The following SKIL variants were observed in gnomAD, a reference collection of about 807,000 sequenced individuals.
SKIL encodes the protein SKI like proto-oncogene, also known as ski-like protein.
In SKIL, 20 loss-of-function variants were observed where a neutral mutation model predicts 69.6. That is an observed-to-expected ratio of 0.29 (90% confidence interval 0.20 to 0.42). The LOEUF (loss-of-function observed/expected upper bound fraction) is 0.42. SKIL is among the 10% of genes least tolerant of loss of function. The pLI is 1.00. For missense variants in SKIL, 745 were observed against 783.1 expected (o/e 0.95, Z 0.58); for synonymous variants, 310 against 279.9 (o/e 1.11, Z -1.08).
chr3:170,393,967 A>G lies in SKIL; in HGVS notation c.*1550A>G, dbSNP rs1187707910. 1 of 152,056 alleles carries G rather than the reference A, an allele frequency of 6.6e-6. No homozygotes were observed. Among genetic ancestry groups the G allele is most frequent in the Admixed American group, 6.6e-5 (1 of 15,250 alleles). 9.4% of individuals were successfully genotyped at this position (152,056 alleles called of 1,614,324 possible). ...CCAAAAAGAATTTTGTACTTCCCCA[A>G]ATGTAATTTATTTACTAAATTGAGT... On this transcript the variant is annotated 3_prime_UTR_variant, in exon 7 of 7. Coordinates refer to ENST00000259119, the MANE Select transcript of SKIL (RefSeq NM_005414.5).
At chr3:170,383,330 A>C (rs78005650) in intron 3 of SKIL, among the ~76,000 whole-genome samples, 3,543 of 152,340 alleles carry the variant, frequency 0.023, 144 homozygotes, top group African/African-American at 0.08. Context: ...TTTTGGCTCA[A>C]AAATGGATGT....
chr3:170,371,072 A>G (rs943898986), intron 2 of SKIL, among the ~76,000 whole-genome samples: 52 of 152,350 alleles, frequency 3.4e-4, no homozygotes, highest in African/African-American at 1.2e-3. Flanking sequence ...AGTAAATACT[A>G]AAAAAGTACA....
chr3:170,362,173 GA>G (rs1314631437), intron 2 of SKIL, among the ~76,000 whole-genome samples: 1 of 152,174 alleles, frequency 6.6e-6, no homozygotes, highest in Non-Finnish European at 1.5e-5. Flanking sequence ...ATGACAGCTA[GA>G]GTAAGGAAAA....
intron 2 of SKIL, among the ~76,000 whole-genome samples, chr3:170,366,369 A>G (rs983681592): frequency 1.3e-5 from 2 of 152,090 alleles, no homozygotes; most frequent in African/African-American, 4.8e-5. Context: ...TTCTTACTCA[A>G]GTCGCCATAA....
chr3:170,375,602 C>T (rs1254700328), intron 2 of SKIL, among the ~76,000 whole-genome samples: 2 of 151,836 alleles, frequency 1.3e-5, no homozygotes, highest in Admixed American at 1.3e-4. Flanking sequence ...CGAGACAAGC[C>T]CCACACTGTT....
chr3:170,362,807 T>TC (rs1433027319), intron 2 of SKIL, among the ~76,000 whole-genome samples: 2 of 146,430 alleles, frequency 1.4e-5, no homozygotes, highest in East Asian at 2.0e-4. Context: ...AGAGTAAGAC[T>TC]CCATTTCAAA....
At chr3:170,359,473 C>CTGTAG (rs1736107166) in intron 1 of SKIL, 1 of 152,084 alleles carries the variant, frequency 6.6e-6, no homozygotes, top group Admixed American at 6.6e-5. Flanking sequence ...TGGCTTGTGC[C>CTGTAG]TGTAGTCCCA....
In SKIL at chr3:170,377,145, CTA is replaced by C. The variant is rs1178275693; in HGVS notation, c.1099-4097_1099-4096del. ...TATAACTAAGCTATAGGCTGAGGAACTATGTAAATAAGTGATCAGTTTGTTTT... is the reference window on the plus strand; with the variant it reads ...TATAACTAAGCTATAGGCTGAGGAACTGTAAATAAGTGATCAGTTTGTTTT... On this transcript the variant is annotated intron_variant, in intron 2 of 6. Coordinates refer to ENST00000259119, the MANE Select transcript of SKIL (RefSeq NM_005414.5). Among the ~76,000 whole-genome samples the C allele has an allele frequency of 2.6e-5, 4 of 152,220 alleles. No individual in the cohort carries two copies. In the East Asian group the frequency reaches 7.7e-4, roughly 29 times the overall value.
intron 2 of SKIL, among the ~76,000 whole-genome samples, chr3:170,365,752 CTTTTTTTTT>C (rs59222162): frequency 8.5e-5 from 9 of 106,454 alleles, no homozygotes; most frequent in African/African-American, 2.8e-4. Flanking sequence ...TCAAACTAGG[CTTTTTTTTT>C]TTTTTTTTTT....
At chr3:170,380,694 T>C (rs1290037636) in intron 2 of SKIL, among the ~76,000 whole-genome samples, 1 of 152,146 alleles carries the variant, frequency 6.6e-6, no homozygotes, top group Non-Finnish European at 1.5e-5. Context: ...GTATGAAATT[T>C]GATGCAGTCA....
intron 2 of SKIL, among the ~76,000 whole-genome samples, chr3:170,361,942 G>C (rs1283444840): frequency 6.6e-6 from 1 of 151,982 alleles, no homozygotes; most frequent in African/African-American, 2.4e-5. Context: ...CACTACATCT[G>C]TTGTTTTTCT....
At chr3:170,373,304 T>G (rs1282178786) in intron 2 of SKIL, among the ~76,000 whole-genome samples, 1 of 152,164 alleles carries the variant, frequency 6.6e-6, no homozygotes, top group Non-Finnish European at 1.5e-5. Context: ...GTAGCTGGGA[T>G]TACAGGCATG....
Position 170,361,225 on chromosome 3 carries a change from T to G in SKIL, c.894T>G (p.Phe298Leu). 1 of 1,614,204 alleles carries G rather than the reference T, an allele frequency of 6.2e-7. No individual in the cohort carries two copies. The highest frequency in any genetic ancestry group is 8.5e-7 in the Non-Finnish European group (1 of 1,180,034). ...AATGTCTGGAGTGTTGTGGAATGTT[T>G]GCACCCCAGACGTTTGTGATGCATT... is the stretch of plus-strand genomic sequence containing the variant. ...CIQCLECCGMFAPQTFVMHSH... is the reference protein window; with the variant it reads ...CIQCLECCGMLAPQTFVMHSH... Residue 298 changes from phenylalanine to leucine, a missense_variant, in exon 2 of 7, where the codon TTT becomes TTG. Phe to Leu is a conservative substitution (Grantham distance 22). Transcript: ENST00000259119.
At chr3:170,390,690 C>T (rs1326715122) in intron 5 of SKIL, among the ~76,000 whole-genome samples, 2 of 152,120 alleles carry the variant, frequency 1.3e-5, no homozygotes, top group African/African-American at 4.8e-5. Flanking sequence ...TTTCTCCATG[C>T]TGGCCAGGCT....
intron 1 of SKIL, chr3:170,358,643 A>G (rs191711663): frequency 6.6e-6 from 1 of 152,322 alleles, no homozygotes; most frequent in East Asian, 1.9e-4. Context: ...GGTCTGTTTT[A>G]AGGTAAAGTG....
rs1304226432 is a variant in SKIL at position 170,393,083 on chromosome 3, T to A, written c.*666T>A. On this transcript the variant is annotated 3_prime_UTR_variant, in exon 7 of 7. Transcript: ENST00000259119. ...AAACAGAAGCAGCAGTTGTAATTTG[T>A]TTTTCAGTTTAAATGTGGTTATAGT... is the stretch of plus-strand genomic sequence containing the variant. 6.6e-6 allele frequency: 1 copy of A among 152,170 alleles called. No homozygotes were observed. Among genetic ancestry groups the A allele is most frequent in the Non-Finnish European group, 1.5e-5 (1 of 68,004 alleles). The allele number at this position is 152,170 out of a possible 1,614,324, so 9.4% of individuals were successfully genotyped here.
At chr3:170,363,454 A>G (rs1736340016) in intron 2 of SKIL, among the ~76,000 whole-genome samples, 1 of 152,100 alleles carries the variant, frequency 6.6e-6, no homozygotes, top group African/African-American at 2.4e-5. Context: ...TGGCTGCTAG[A>G]TAAGTTTATA....
intron 4 of SKIL, among the ~76,000 whole-genome samples, chr3:170,388,085 A>G (rs1047615024): frequency 6.6e-6 from 1 of 152,140 alleles, no homozygotes; most frequent in South Asian, 2.1e-4. Flanking sequence ...GTTTTGAGGA[A>G]CTGCCAAACT....
chr3:170,369,571 T>G (rs1051560529), intron 2 of SKIL, among the ~76,000 whole-genome samples: 1 of 152,124 alleles, frequency 6.6e-6, no homozygotes, highest in African/African-American at 2.4e-5. Context: ...CTGGCTAATT[T>G]TTGTATTTTT....
Sources: allele counts gnomAD v4.1 joint callset (sites outside exome capture counted in the v4.1 genomes callset), GRCh38; gene constraint gnomAD v4.1.1; transcripts MANE v1.5; gene names NCBI Gene and HGNC (gene_info 2026-07-23, HGNC 2026-07-21).